Variants in GNG7 observed in about 807,000 individuals in gnomAD.
The protein encoded by GNG7 is guanine nucleotide-binding protein G(I)/G(S)/G(O) subunit gamma-7.
In GNG7, 1 loss-of-function variant was observed where a neutral mutation model predicts 4.0. That is an observed-to-expected ratio of 0.25 (90% confidence interval 0.09 to 1.18). The LOEUF (loss-of-function observed/expected upper bound fraction) is 1.18, where lower values mean the gene tolerates loss of function less well. GNG7 is among the 50% of genes most tolerant of loss of function. The pLI is 0.50. For missense variants in GNG7, 86 were observed against 91.9 expected, an observed-to-expected ratio of 0.94 and a Z score of 0.26; for synonymous variants, 34 against 36.9, an observed-to-expected ratio of 0.92 and a Z score of 0.29.
At chr19:2,601,383 G>A (rs1568258716) in intron 2 of GNG7, among the ~76,000 whole-genome samples, 1 of 152,120 alleles carries the variant, frequency 6.6e-6, no homozygotes, top group African/African-American at 2.4e-5. Context: ...TGTTTCCCCA[G>A]CCATGTGGAC....
intron 2 of GNG7, among the ~76,000 whole-genome samples, chr19:2,628,525 GTATATA>G (rs59840156): frequency 6.7e-6 from 1 of 148,272 alleles, no homozygotes; most frequent in Admixed American, 6.7e-5. Context: ...GTGTGTGTGT[GTATATA>G]TATATATAAC....
intron 2 of GNG7, among the ~76,000 whole-genome samples, chr19:2,556,520 AAAG>A (rs1287160292): frequency 6.6e-6 from 1 of 152,064 alleles, no homozygotes; most frequent in East Asian, 1.9e-4. Flanking sequence ...CCACCGACAC[AAAG>A]AAGAGCCACA....
At chr19:2,590,554 C>T (rs1355939911) in intron 2 of GNG7, among the ~76,000 whole-genome samples, 4 of 149,962 alleles carry the variant, frequency 2.7e-5, no homozygotes, top group Non-Finnish European at 4.5e-5. Flanking sequence ...TCCATCCATC[C>T]GCCCACTCAT....
intron 3 of GNG7, among the ~76,000 whole-genome samples, chr19:2,549,375 T>C (rs1286892932): frequency 1.3e-5 from 2 of 149,810 alleles, no homozygotes; most frequent in East Asian, 4.0e-4. Context: ...CACTGCAAAC[T>C]CCACCCCCTG....
In GNG7 at chr19:2,514,651, C is replaced by T. The variant is rs191020194; in HGVS notation, c.*371G>A. ...GGCGAAGTCACCTCCCTTTCCCCCTCGGCGCCGGTCCACAATTGAAACGGC... is the reference window on the plus strand; with the variant it reads ...GGCGAAGTCACCTCCCTTTCCCCCTTGGCGCCGGTCCACAATTGAAACGGC... On this transcript the variant is annotated 3_prime_UTR_variant, in exon 5 of 5. Transcript: ENST00000382159. 69 of 170,452 alleles carry T rather than the reference C, an allele frequency of 4.0e-4. No homozygotes were observed. In the East Asian group the frequency reaches 8.3e-3, roughly 20 times the overall value. The allele number at this position is 170,452 out of a possible 1,614,324, so 10.6% of individuals were successfully genotyped here.
In GNG7 at chr19:2,626,064, A is replaced by G. The variant is rs1982013490; in HGVS notation, c.-78+20160T>C. Among the ~76,000 whole-genome samples the G allele has an allele frequency of 7.2e-5, 11 of 152,160 alleles. No individual in the cohort carries two copies. The highest frequency in any genetic ancestry group is 7.2e-4 in the Admixed American group (11 of 15,276). ...CGGCCTCCCAAAGTGCTGGGATGAC[A>G]GGCGTGAGCCATGGCGCCCGGCCTG... On this transcript the variant is annotated intron_variant, in intron 2 of 4. Coordinates refer to ENST00000382159, the MANE Select transcript of GNG7 (RefSeq NM_052847.3). The surrounding 1 kb of genome is among the most constrained non-coding windows in gnomAD (Gnocchi z 5.0).
chr19:2,676,808 G>GGT (rs1200825145), intron 1 of GNG7, among the ~76,000 whole-genome samples: 12 of 146,250 alleles, frequency 8.2e-5, no homozygotes, highest in Admixed American at 5.5e-4. Context: ...GGAGGAGTTG[G>GGT]GTGTAATTTT....
intron 2 of GNG7, among the ~76,000 whole-genome samples, chr19:2,571,734 T>A (rs1980154622): frequency 6.6e-6 from 1 of 151,688 alleles, no homozygotes; most frequent in African/African-American, 2.4e-5. Context: ...TAGCTGGGAT[T>A]ATAGGCGAGT....
chr19:2,582,656 A>ATTTTTTTTTTTTTTTTTTTTTTTTTTTTT, intron 2 of GNG7, among the ~76,000 whole-genome samples: 1 of 86,146 alleles, frequency 1.2e-5, no homozygotes. Context: ...CTAATTGTTA[A>ATTTTTTTTTTTTTTTTTTTTTTTTTTTTT]TTTTTTTTTT....
At chr19:2,576,648 G>A (rs1408068193) in intron 2 of GNG7, among the ~76,000 whole-genome samples, 1 of 152,178 alleles carries the variant, frequency 6.6e-6, no homozygotes, top group East Asian at 1.9e-4. Context: ...CTGGGCTCAA[G>A]CGATCCTCCC....
chr19:2,551,433 G>A (rs1365225545), intron 3 of GNG7, among the ~76,000 whole-genome samples: 1 of 151,964 alleles, frequency 6.6e-6, no homozygotes, highest in African/African-American at 2.4e-5. Context: ...GTGAGGCCAT[G>A]CGGCACTCAC....
chr19:2,553,498 G>GTAC (rs200247226), intron 3 of GNG7, among the ~76,000 whole-genome samples: 5,095 of 146,564 alleles, frequency 0.035, 118 homozygotes, highest in African/African-American at 0.054. Flanking sequence ...TATTTTATAT[G>GTAC]TACATCTCAT....
At chr19:2,594,447 G>GAAGGAAGGAAGGAAGGAAGGAAGGA (rs113980932) in intron 2 of GNG7, among the ~76,000 whole-genome samples, 6 of 127,048 alleles carry the variant, frequency 4.7e-5, no homozygotes, top group African/African-American at 2.2e-4. Flanking sequence ...AGGAAGGAAG[G>GAAGGAAGGAAGGAAGGAAGGAAGGA]AGGAAGAAAG....
chr19:2,575,242 A>T (rs2144784856), intron 2 of GNG7, among the ~76,000 whole-genome samples: 1 of 152,126 alleles, frequency 6.6e-6, no homozygotes. Flanking sequence ...GCACCAGCCT[A>T]TCCAGCTAAT....
rs2144837943 is a variant in GNG7 at position 2,626,462 on chromosome 19, C to A, written c.-78+19762G>T. ...CTCCTGCCCTCGGGATAAAATGCAG[C>A]CTCTGCCGTGCGGCCTCCTCACTCC... On this transcript the variant is annotated intron_variant, in intron 2 of 4. Transcript: ENST00000382159. The surrounding 1 kb of genome is among the most constrained non-coding windows in gnomAD (Gnocchi z 5.0). Among the ~76,000 whole-genome samples, 1 of 152,306 alleles carries A rather than the reference C, an allele frequency of 6.6e-6. No homozygotes were observed.
chr19:2,526,160 C>T (rs1278850626), intron 3 of GNG7, among the ~76,000 whole-genome samples: 1 of 151,762 alleles, frequency 6.6e-6, no homozygotes, highest in South Asian at 2.1e-4. Context: ...TTAGTAGATA[C>T]GGGGTTTCAC....
At chr19:2,545,887 A>T (rs1979108102) in intron 3 of GNG7, among the ~76,000 whole-genome samples, 1 of 152,064 alleles carries the variant, frequency 6.6e-6, no homozygotes, top group Non-Finnish European at 1.5e-5. Flanking sequence ...CCCGGGAGGT[A>T]AAGGTTGCGG....
intron 1 of GNG7, among the ~76,000 whole-genome samples, chr19:2,670,009 C>CAA (rs796312127): frequency 0.035 from 2,764 of 78,010 alleles, 103 homozygotes; most frequent in African/African-American, 0.11. Context: ...GACTCTGTCT[C>CAA]AAAAAAAAAA....
rs1391261870 is a variant in GNG7 at position 2,633,483 on chromosome 19, G to GCACACA, written c.-78+12740_-78+12741insTGTGTG. 3.0e-4 allele frequency among the ~76,000 whole-genome samples: 24 copies of GCACACA among 80,382 alleles called. No individual in the cohort carries two copies. The highest frequency in any genetic ancestry group is 7.5e-4 in the African/African-American group (20 of 26,770). 52.7% of individuals were successfully genotyped at this position (80,382 alleles called of 152,430 possible). A position where few individuals can be genotyped will look rare whatever the true frequency, so the allele number is the denominator to read the frequency against. The stretch of plus-strand genomic sequence containing the variant: ...TGCTTAGCAACAGGCGCGCGCGCGC[G>GCACACA]CGCGCACACACACACACACACACAC... On this transcript the variant is annotated intron_variant, in intron 2 of 4. Coordinates refer to ENST00000382159, the MANE Select transcript of GNG7 (RefSeq NM_052847.3). The surrounding 1 kb of genome is among the most constrained non-coding windows in gnomAD (Gnocchi z 5.9).
Sources: allele counts gnomAD v4.1 joint callset (sites outside exome capture counted in the v4.1 genomes callset), GRCh38; gene constraint gnomAD v4.1.1; non-coding constraint Gnocchi (gnomAD v3.1); transcripts MANE v1.5; gene names NCBI Gene and HGNC (gene_info 2026-07-23, HGNC 2026-07-21).